SDK1: variants seen among roughly 807,000 people sequenced by gnomAD.
The protein encoded by SDK1 is sidekick cell adhesion molecule 1.
SDK1 carries 157 observed loss-of-function variants against 245.5 expected under a neutral mutation model. The observed-to-expected ratio is 0.64, with a 90% confidence interval of 0.56 to 0.73. SDK1 has a LOEUF of 0.73. Among genes scored for constraint, SDK1 ranks in the 30% least tolerant of loss-of-function variants. The pLI, the probability that SDK1 is intolerant of heterozygous loss-of-function variation, is 0.00. For synonymous variants in SDK1, 1,647 were observed against 1,278.5 expected (o/e 1.29, Z -6.15); for missense variants, 3,583 against 3,002.3 (o/e 1.19, Z -4.52).
chr7:3,470,190 T>C (rs1781136953), intron 1 of SDK1, among the ~76,000 whole-genome samples: 1 of 152,172 alleles, frequency 6.6e-6, no homozygotes, highest in South Asian at 2.1e-4. Context: ...AAGATCCATA[T>C]GCCAACCTCC....
chr7:3,802,054 T>C (rs1347918708), intron 4 of SDK1, among the ~76,000 whole-genome samples: 2 of 152,244 alleles, frequency 1.3e-5, no homozygotes, highest in Non-Finnish European at 2.9e-5. Context: ...TACTTAATTA[T>C]ACATTCACAG....
intron 30 of SDK1, among the ~76,000 whole-genome samples, chr7:4,155,871 CAGAT>C (rs1389702546): frequency 1.3e-5 from 2 of 152,114 alleles, no homozygotes; most frequent in Non-Finnish European, 2.9e-5. Flanking sequence ...CTTGTAAAGA[CAGAT>C]AGTCGTCAAG....
chr7:4,015,531 T>C (rs1345515098), intron 16 of SDK1, among the ~76,000 whole-genome samples: 10 of 152,190 alleles, frequency 6.6e-5, no homozygotes. Flanking sequence ...GGTGAATCCA[T>C]GCCAAGCCTT....
chr7:4,219,235 A>G (rs1785002867), intron 38 of SDK1, among the ~76,000 whole-genome samples: 1 of 152,236 alleles, frequency 6.6e-6, no homozygotes, highest in South Asian at 2.1e-4. Context: ...CAAGTTGGCC[A>G]ACCCAGGCAG....
chr7:4,019,485 G>T (rs890517839), intron 17 of SDK1, among the ~76,000 whole-genome samples: 2 of 152,172 alleles, frequency 1.3e-5, no homozygotes, highest in Non-Finnish European at 2.9e-5. Flanking sequence ...CCGCCTCCAT[G>T]TCCAAGTAGT....
intron 44 of SDK1, among the ~76,000 whole-genome samples, chr7:4,264,282 TCTCCTGAGTGGGGAGGCCGTGTAGAC>T (rs1405732071): frequency 1.1e-5 from 1 of 88,574 alleles, no homozygotes; most frequent in Non-Finnish European, 2.2e-5. Context: ...CGCGTAGACC[TCTCCTGAGTGGGGAGGCCGTGTAGAC>T]CTCTCCTGAG....
Position 3,891,010 on chromosome 7 carries a change from A to G in SDK1, c.848-59913A>G, listed in dbSNP as rs552285846. Among the ~76,000 whole-genome samples the G allele has an allele frequency of 2.6e-5, 4 of 152,320 alleles. No homozygotes were observed. The East Asian group carries it at 7.7e-4, about 29-fold the overall frequency. On this transcript the variant is annotated intron_variant, in intron 5 of 44. Coordinates refer to ENST00000404826, the MANE Select transcript of SDK1 (RefSeq NM_152744.4). ...GGCCCAACCAGGCCAGCCTAACCTT[A>G]GCTGGGCTCTATGTGTTTTACATTT... is the stretch of plus-strand genomic sequence containing the variant.
At chr7:3,447,562 G>A (rs1172329364) in intron 1 of SDK1, among the ~76,000 whole-genome samples, 2 of 151,878 alleles carry the variant, frequency 1.3e-5, no homozygotes, top group African/African-American at 2.4e-5. Flanking sequence ...AAAATTAACT[G>A]GAGTGTATTC....
chr7:4,006,849 G>C (rs1355906635), intron 14 of SDK1, among the ~76,000 whole-genome samples: 2 of 152,208 alleles, frequency 1.3e-5, no homozygotes, highest in East Asian at 3.9e-4. Flanking sequence ...GGACTTTCAG[G>C]AGCTGTTTAC....
At chr7:3,749,053 A>G (rs1779702539) in intron 4 of SDK1, among the ~76,000 whole-genome samples, 1 of 152,244 alleles carries the variant, frequency 6.6e-6, no homozygotes, top group Non-Finnish European at 1.5e-5. Flanking sequence ...TCAACAGAGC[A>G]TATTCTCACT....
intron 4 of SDK1, among the ~76,000 whole-genome samples, chr7:3,777,262 C>G (rs1780594874): frequency 2.0e-5 from 3 of 152,140 alleles, no homozygotes; most frequent in Admixed American, 1.3e-4. Flanking sequence ...TCGTTCCAGC[C>G]TTGATATTCA....
chr7:4,056,602 C>T (rs1299320846), intron 19 of SDK1, among the ~76,000 whole-genome samples: 1 of 152,088 alleles, frequency 6.6e-6, no homozygotes, highest in African/African-American at 2.4e-5. Context: ...TCCACATTCC[C>T]ACCACAGACT....
intron 4 of SDK1, among the ~76,000 whole-genome samples, chr7:3,775,963 C>T (rs189101538): frequency 2.6e-5 from 4 of 152,328 alleles, no homozygotes; most frequent in South Asian, 4.1e-4. Flanking sequence ...CACTGATTCT[C>T]GAAACGAGTG....
At chr7:3,694,733 C>G (rs941864030) in intron 4 of SDK1, among the ~76,000 whole-genome samples, 2 of 152,102 alleles carry the variant, frequency 1.3e-5, no homozygotes, top group Non-Finnish European at 1.5e-5. Flanking sequence ...GTTTCTGATT[C>G]CATAGTTTGA....
intron 35 of SDK1, 65 bp downstream of exon 35, chr7:4,178,651 C>T (rs757642606): frequency 7.0e-5 from 83 of 1,180,988 alleles, no homozygotes; most frequent in East Asian, 4.9e-4. Flanking sequence ...CAGCCAGGCA[C>T]GCTGCGGCCA....
chr7:3,748,791 C>T (rs1189714960), intron 4 of SDK1, among the ~76,000 whole-genome samples: 13 of 152,072 alleles, frequency 8.5e-5, no homozygotes, highest in Non-Finnish European at 4.4e-5. Context: ...TTGGTACAAC[C>T]CTATAATTAC....
chr7:3,661,539 TC>T (rs1441684504), intron 4 of SDK1, among the ~76,000 whole-genome samples: 1 of 152,192 alleles, frequency 6.6e-6, no homozygotes, highest in African/African-American at 2.4e-5. Context: ...CTTTCTTTGA[TC>T]TAGTGATGAA....
intron 22 of SDK1, among the ~76,000 whole-genome samples, chr7:4,101,619 G>A (rs1176999609): frequency 6.6e-6 from 1 of 152,172 alleles, no homozygotes; most frequent in Non-Finnish European, 1.5e-5. Context: ...ACTGACCCTC[G>A]ATGACAGAGG....
At chr7:3,572,583 G>A (rs144488476) in intron 1 of SDK1, among the ~76,000 whole-genome samples, 67 of 152,184 alleles carry the variant, frequency 4.4e-4, no homozygotes, top group African/African-American at 1.6e-3. Context: ...CTGTGTGTGA[G>A]CCCAATGCAT....
Sources: gnomAD v4.1 joint callset for allele counts (sites outside exome capture counted in the v4.1 genomes callset) on GRCh38, gnomAD v4.1.1 for gene constraint, MANE v1.5 for transcripts, NCBI Gene and HGNC (gene_info 2026-07-23, HGNC 2026-07-21) for gene names.